Variants in MBD5 observed in about 807,000 individuals in gnomAD.
MBD5 encodes methyl-CpG-binding domain protein 5.
Under a neutral mutation model 117.3 loss-of-function variants are expected in MBD5, and 13 were observed. The observed-to-expected ratio is 0.11, with a 90% CI of 0.07 to 0.18. The LOEUF is 0.18. MBD5 is among the 10% of genes least tolerant of loss of function. MBD5 has a pLI of 1.00. For synonymous variants in MBD5, 727 were observed against 766.4 expected (o/e 0.95, Z 0.85); for missense variants, 1,879 against 2,093.8 (o/e 0.90, Z 2.00).
intron 3 of MBD5, among the ~76,000 whole-genome samples, chr2:148,236,383 T>A (rs2839755): frequency 3.3e-5 from 5 of 151,964 alleles, no homozygotes; most frequent in Non-Finnish European, 7.4e-5. Flanking sequence ...TGAAAGTCGA[T>A]GGACTTTTCA....
intron 2 of MBD5, among the ~76,000 whole-genome samples, chr2:148,181,946 T>G (rs1398005119): frequency 6.6e-6 from 1 of 152,128 alleles, no homozygotes; most frequent in Non-Finnish European, 1.5e-5. Flanking sequence ...CTTAACAGAT[T>G]GTTCTTTTTT....
At chr2:148,353,008 A>G (rs140779555) in intron 4 of MBD5, among the ~76,000 whole-genome samples, 3 of 152,236 alleles carry the variant, frequency 2.0e-5, no homozygotes, top group African/African-American at 7.2e-5. Context: ...GACTTGGGAA[A>G]TTCCATGATA....
At chr2:148,479,937 T>C (rs1035578767) in intron 8 of MBD5, among the ~76,000 whole-genome samples, 1 of 152,024 alleles carries the variant, frequency 6.6e-6, no homozygotes, top group Non-Finnish European at 1.5e-5. Flanking sequence ...TTTTTCTAGT[T>C]CATAATAAAC....
intron 3 of MBD5, among the ~76,000 whole-genome samples, chr2:148,236,394 A>G (rs1475558547): frequency 6.6e-6 from 1 of 152,170 alleles, no homozygotes; most frequent in Non-Finnish European, 1.5e-5. Flanking sequence ...GGACTTTTCA[A>G]GTTAGAAGAG....
chr2:148,147,709 T>C (rs1421930559), intron 1 of MBD5, among the ~76,000 whole-genome samples: 1 of 152,208 alleles, frequency 6.6e-6, no homozygotes, highest in East Asian at 1.9e-4. Context: ...ATTTCTGCTC[T>C]GTTACCTTTA....
intron 11 of MBD5, among the ~76,000 whole-genome samples, 192 bp from the exon 12 acceptor site, chr2:148,502,244 C>A (rs1244578477): frequency 1.3e-5 from 2 of 152,242 alleles, no homozygotes; most frequent in Non-Finnish European, 2.9e-5. Context: ...TTCACTTCCA[C>A]TGATGCTGCA....
At chr2:148,080,015 G>A (rs1695610137) in intron 1 of MBD5, among the ~76,000 whole-genome samples, 1 of 152,124 alleles carries the variant, frequency 6.6e-6, no homozygotes. Context: ...ATCAGGTAAA[G>A]ACATTGAATA....
chr2:148,139,287 A>G (rs1370468505), intron 1 of MBD5, among the ~76,000 whole-genome samples: 1 of 151,922 alleles, frequency 6.6e-6, no homozygotes, highest in Non-Finnish European at 1.5e-5. Context: ...GCTCACCGCA[A>G]CCTCCACCTT....
intron 2 of MBD5, among the ~76,000 whole-genome samples, chr2:148,217,070 CA>C (rs1489945222): frequency 6.6e-5 from 10 of 152,152 alleles, no homozygotes; most frequent in Non-Finnish European, 1.5e-5. Context: ...TACAATCTGG[CA>C]AATTAAAAAT....
intron 1 of MBD5, among the ~76,000 whole-genome samples, chr2:148,110,148 A>G (rs1292315580): frequency 1.3e-5 from 2 of 152,322 alleles, no homozygotes; most frequent in Non-Finnish European, 2.9e-5. Context: ...AAGTTATCAC[A>G]TTTAATTCTT....
chr2:148,076,176 G>A (rs983327178), intron 1 of MBD5, among the ~76,000 whole-genome samples: 1 of 98,762 alleles, frequency 1.0e-5, no homozygotes, highest in African/African-American at 4.4e-5. Context: ...CAAAGTCGTC[G>A]TTTTTTGTTG....
intron 4 of MBD5, among the ~76,000 whole-genome samples, chr2:148,349,561 C>T (rs138529712): frequency 2.0e-5 from 3 of 151,880 alleles, no homozygotes; most frequent in East Asian, 1.9e-4. Flanking sequence ...GTGTTAATGA[C>T]GGAGAAGAAA....
intron 1 of MBD5, chr2:148,062,600 T>C (rs1483134509): frequency 1.3e-5 from 2 of 152,080 alleles, no homozygotes; most frequent in Non-Finnish European, 2.9e-5. Flanking sequence ...TATGTGTGAT[T>C]ACTGTTACAG....
chr2:148,141,963 A>C (rs1469269352), intron 1 of MBD5, among the ~76,000 whole-genome samples: 1 of 151,982 alleles, frequency 6.6e-6, no homozygotes, highest in Non-Finnish European at 1.5e-5. Context: ...GCAACAGACC[A>C]AGGCACTGTC....
chr2:148,275,011 G>A (rs897851696), intron 3 of MBD5, among the ~76,000 whole-genome samples: 2 of 152,262 alleles, frequency 1.3e-5, no homozygotes, highest in East Asian at 1.9e-4. Context: ...GATTACAGGC[G>A]TGAGCCACTG....
At chr2:148,471,928 A>G (rs1011052912) in intron 8 of MBD5, 2 of 152,090 alleles carry the variant, frequency 1.3e-5, no homozygotes, top group Admixed American at 1.3e-4. Context: ...AAGTCACACA[A>G]AGTTCATAAC....
chr2:148,209,569 A>G (rs190911358), intron 2 of MBD5, among the ~76,000 whole-genome samples: 2 of 151,482 alleles, frequency 1.3e-5, no homozygotes, highest in East Asian at 3.9e-4. Context: ...ACTTTGTTAT[A>G]GAAGCTCAGA....
chr2:148,206,356 A>G (rs1050457767), intron 2 of MBD5, among the ~76,000 whole-genome samples: 2 of 152,324 alleles, frequency 1.3e-5, no homozygotes, highest in Non-Finnish European at 1.5e-5. Flanking sequence ...AAACATAATT[A>G]TACACATTTA....
At chr2:148,181,603 G>T (rs1406270088) in intron 2 of MBD5, among the ~76,000 whole-genome samples, 1 of 152,040 alleles carries the variant, frequency 6.6e-6, no homozygotes, top group African/African-American at 2.4e-5. Context: ...TTGAGTTTGA[G>T]TATCTCATCA....
Sources: gnomAD v4.1 joint callset for allele counts (sites outside exome capture counted in the v4.1 genomes callset) on GRCh38, gnomAD v4.1.1 for gene constraint, MANE v1.5 for transcripts, NCBI Gene and HGNC (gene_info 2026-07-23, HGNC 2026-07-21) for gene names.